The following RBFOX1 variants were observed in gnomAD, a reference collection of about 807,000 sequenced individuals.
RBFOX1 encodes the protein RNA binding fox-1 homolog 1.
RBFOX1 carries 8 observed loss-of-function variants against 57.7 expected under a neutral mutation model. The observed-to-expected ratio is 0.14, with a 90% confidence interval of 0.08 to 0.25. The LOEUF (loss-of-function observed/expected upper bound fraction) is 0.25, where lower values mean the gene tolerates loss of function less well. Among genes scored for constraint, RBFOX1 ranks in the 10% least tolerant of loss-of-function variants. RBFOX1 has a pLI of 1.00. For missense variants in RBFOX1, 611 were observed against 548.5 expected, an observed-to-expected ratio of 1.11 and a Z score of -1.14; for synonymous variants, 326 against 222.4, an observed-to-expected ratio of 1.47 and a Z score of -4.15.
intron 4 of RBFOX1, among the ~76,000 whole-genome samples, chr16:7,169,087 T>G (rs1199809740): frequency 6.6e-6 from 1 of 152,170 alleles, no homozygotes; most frequent in Non-Finnish European, 1.5e-5. Flanking sequence ...AGTAGGCAAA[T>G]CATTCAGTGT....
In RBFOX1 at chr16:6,006,552, A is replaced by G. The variant is rs115737554; in HGVS notation, c.351+139217A>G. ...GATGGAGACAGAAGGGTCCTCACTGATGAAGCATTTGGCTCCAGCATTGCC... is the reference window on the plus strand; with the variant it reads ...GATGGAGACAGAAGGGTCCTCACTGGTGAAGCATTTGGCTCCAGCATTGCC... On this transcript the variant is annotated intron_variant, in intron 4 of 19. Transcript: ENST00000641259. 1.7e-3 allele frequency among the ~76,000 whole-genome samples: 265 copies of G among 152,354 alleles called. 2 individuals carry two copies. The highest frequency in any genetic ancestry group is 5.9e-3 in the African/African-American group (244 of 41,584).
chr16:7,537,586 G>A (rs561716555), intron 5 of RBFOX1, among the ~76,000 whole-genome samples: 1 of 152,296 alleles, frequency 6.6e-6, no homozygotes, highest in East Asian at 1.9e-4. Flanking sequence ...CCACTGAGCT[G>A]GGGGTGAAGA....
chr16:7,522,728 G>C (rs976078423), intron 5 of RBFOX1, among the ~76,000 whole-genome samples: 3 of 152,104 alleles, frequency 2.0e-5, no homozygotes, highest in Admixed American at 2.0e-4. Flanking sequence ...AGGGAATAAT[G>C]GTGCAGGAAA....
rs183675363 is a variant in RBFOX1, at chr16:7,387,493, C to A, written c.28-130654C>A. On this transcript the variant is annotated intron_variant, in intron 4 of 15. Transcript: ENST00000550418. ...TACAATAGCTGTCAGGATTGTATCT[C>A]CCTGGGTCTCGTTTCTTATCAAAAT... is the stretch of plus-strand genomic sequence containing the variant. Among the ~76,000 whole-genome samples the A allele has an allele frequency of 2.4e-4, 36 of 152,262 alleles. No homozygotes were observed. The East Asian group carries it at 6.4e-3, about 27-fold the overall frequency.
At chr16:6,384,454 T>G (rs1336876650) in intron 2 of RBFOX1, among the ~76,000 whole-genome samples, 1 of 152,212 alleles carries the variant, frequency 6.6e-6, no homozygotes, top group African/African-American at 2.4e-5. Flanking sequence ...TCTTTCATTT[T>G]TTTTCCCTCC....
intron 3 of RBFOX1, among the ~76,000 whole-genome samples, chr16:5,757,830 G>T (rs1000632514): frequency 7.2e-5 from 11 of 152,202 alleles, no homozygotes; most frequent in Middle Eastern, 3.4e-3. Context: ...CTGATTTCTG[G>T]GCTCATGCTT....
In RBFOX1 at chr16:6,871,839, G is replaced by C. The variant is rs77340250; in HGVS notation, c.-15-180218G>C. ...GCCCTCAAAGTGCAGTTGCTGCTTA[G>C]CCTATCGTGTCCTAAATCCGCATCT... On this transcript the variant is annotated intron_variant, in intron 3 of 15. Coordinates refer to ENST00000550418, the MANE Select transcript of RBFOX1 (RefSeq NM_018723.4). 6.9e-3 allele frequency among the ~76,000 whole-genome samples: 1,054 copies of C among 151,912 alleles called. 12 individuals are homozygous for C. The highest frequency in any genetic ancestry group is 0.024 in the African/African-American group (993 of 41,386).
chr16:5,340,768 A>C (rs1462620049), intron 1 of RBFOX1, among the ~76,000 whole-genome samples: 2 of 152,216 alleles, frequency 1.3e-5, no homozygotes, highest in South Asian at 4.1e-4. Flanking sequence ...TGCTGGAGAC[A>C]CCGTGATGAA....
chr16:7,078,350 A>G (rs1037210532), intron 4 of RBFOX1, among the ~76,000 whole-genome samples: 11 of 151,982 alleles, frequency 7.2e-5, no homozygotes, highest in African/African-American at 2.7e-4. Flanking sequence ...AACCCCATAT[A>G]CTTTATTTAT....
At chr16:5,404,459 C>T (rs556622479) in intron 1 of RBFOX1, among the ~76,000 whole-genome samples, 121 of 152,180 alleles carry the variant, frequency 8.0e-4, no homozygotes, top group African/African-American at 2.8e-3. Context: ...AAGTTTCTCC[C>T]GATCAGTGAT....
chr16:6,724,343 G>C (rs1172869534), intron 3 of RBFOX1, among the ~76,000 whole-genome samples: 2 of 151,722 alleles, frequency 1.3e-5, no homozygotes, highest in African/African-American at 4.8e-5. Flanking sequence ...CCCAGTTGGT[G>C]GGATTACAGG....
chr16:5,944,581 G>A (rs1356493841), intron 4 of RBFOX1, among the ~76,000 whole-genome samples: 3 of 151,516 alleles, frequency 2.0e-5, no homozygotes, highest in Admixed American at 6.6e-5. Flanking sequence ...CCTCAGTTTC[G>A]ACAAATGTGA....
At position 7,501,747 on chromosome 16, in the gene RBFOX1, G is replaced by T. The variant is rs58672419; in HGVS notation, c.28-16400G>T. On this transcript the variant is annotated intron_variant, in intron 4 of 15. Coordinates refer to ENST00000550418, the MANE Select transcript of RBFOX1 (RefSeq NM_018723.4). ...GCTTCCTGCTCTTCAAGAACATCAG[G>T]TTAGACATCAGTTCTTCTGGAAAAC... 4.7e-3 allele frequency among the ~76,000 whole-genome samples: 719 copies of T among 152,262 alleles called. 7 individuals are homozygous for T. Among genetic ancestry groups the T allele is most frequent in the African/African-American group, 0.017 (688 of 41,530 alleles).
chr16:5,600,864 T>G (rs1280867339), downstream of RBFOX1, among the ~76,000 whole-genome samples: 1 of 152,194 alleles, frequency 6.6e-6, no homozygotes, highest in Non-Finnish European at 1.5e-5. Flanking sequence ...ATCTCTGTTC[T>G]TTTAACATCC....
At chr16:5,968,558 C>G (rs1233448928) in intron 4 of RBFOX1, among the ~76,000 whole-genome samples, 1 of 152,154 alleles carries the variant, frequency 6.6e-6, no homozygotes, top group African/African-American at 2.4e-5. Flanking sequence ...GTGATTCTGT[C>G]AAGCTACCTG....
At chr16:6,631,776 C>T (rs2098387840) in intron 2 of RBFOX1, among the ~76,000 whole-genome samples, 1 of 152,040 alleles carries the variant, frequency 6.6e-6, no homozygotes, top group African/African-American at 2.4e-5. Context: ...GAGGAGCAGC[C>T]ACCGGGAGGC....
At chr16:7,036,201 C>CT (rs1348588614) in intron 3 of RBFOX1, among the ~76,000 whole-genome samples, 5 of 102,944 alleles carry the variant, frequency 4.9e-5, no homozygotes, top group African/African-American at 9.3e-5. Context: ...TTCACCTTGA[C>CT]ATTTTTTTTT....
chr16:7,653,923 C>G lies in RBFOX1; in HGVS notation c.866C>G (p.Pro289Arg). The change falls in exon 12 of 16, where the codon CCG becomes CGG. Residue 289 changes from proline (P) to arginine (R), a missense_variant. Around this residue, in one of 3 missense-constraint regions of RBFOX1, gnomAD observed 267 missense variants for 229.1 expected, o/e 1.17. Coordinates refer to ENST00000550418, the MANE Select transcript of RBFOX1 (RefSeq NM_018723.4). ...AACACCTTCAGGGCCGCGGCGCCCCCGCCCCCGATCCCGGCCTACGGCGGG... is the reference window on the plus strand; with the variant it reads ...AACACCTTCAGGGCCGCGGCGCCCCGGCCCCCGATCCCGGCCTACGGCGGG... ...VYNTFRAAAP[P>R]PPIPAYGGVV... The G allele has an allele frequency of 1.3e-6, 2 of 1,560,248 alleles. No homozygotes were observed. The highest frequency in any genetic ancestry group is 1.4e-5 in the African/African-American group (1 of 73,520).
At chr16:6,872,907 A>G (rs960236057) in intron 3 of RBFOX1, among the ~76,000 whole-genome samples, 4 of 152,204 alleles carry the variant, frequency 2.6e-5, no homozygotes, top group African/African-American at 9.6e-5. Context: ...GAAGAAAGCC[A>G]TACTTCTCAG....
Sources: gnomAD v4.1 joint callset for allele counts (sites outside exome capture counted in the v4.1 genomes callset) on GRCh38, gnomAD v4.1.1 for gene constraint, gnomAD v4.1.1 regional missense constraint, MANE v1.5 for transcripts, NCBI Gene and HGNC (gene_info 2026-07-23, HGNC 2026-07-21) for gene names.